The following SIAH3 variants were observed in gnomAD, a reference collection of about 807,000 sequenced individuals.
The protein encoded by SIAH3 is siah E3 ubiquitin protein ligase family member 3, also known as seven in absentia homolog 3.
In SIAH3, 9 loss-of-function variants were observed where a neutral mutation model predicts 12.6. That is an observed-to-expected ratio of 0.72 (90% CI 0.43 to 1.25). SIAH3 has a LOEUF of 1.25. Among genes scored for constraint, SIAH3 ranks in the 50% most tolerant of loss-of-function variants. The probability of loss-of-function intolerance (pLI) is 0.00; values close to 1 mark genes in which losing one functional copy is unlikely to be tolerated. For missense variants in SIAH3, 390 were observed against 365.4 expected, an observed-to-expected ratio of 1.07 and a Z score of -0.55; for synonymous variants, 154 against 151.1, an observed-to-expected ratio of 1.02 and a Z score of -0.14.
chr13:45,838,621 C>CA, intron 1 of SIAH3, among the ~76,000 whole-genome samples: 1 of 152,122 alleles, frequency 6.6e-6, no homozygotes, highest in Non-Finnish European at 1.5e-5. Context: ...GTGATGATGG[C>CA]ATATCACTCA....
chr13:45,810,518 C>G (rs1055022274), intron 1 of SIAH3, among the ~76,000 whole-genome samples: 26 of 152,124 alleles, frequency 1.7e-4, no homozygotes, highest in African/African-American at 5.1e-4. Context: ...GAAAATCACC[C>G]TCTGGAAATA....
chr13:45,830,815 G>T (rs1308714932), intron 1 of SIAH3, among the ~76,000 whole-genome samples: 2 of 119,350 alleles, frequency 1.7e-5, no homozygotes, highest in African/African-American at 3.5e-5. Context: ...GGTCCTAGAA[G>T]GTGAGAAAGT....
intron 1 of SIAH3, among the ~76,000 whole-genome samples, chr13:45,786,828 G>A (rs2137548836): frequency 6.6e-6 from 1 of 152,268 alleles, no homozygotes; most frequent in Admixed American, 6.5e-5. Flanking sequence ...TTGGCCTGGG[G>A]CCACCAGTCC....
rs1482627577 is a variant in SIAH3 at position 45,781,621 on chromosome 13, C to G, written c.*1762G>C. 2 of 152,234 alleles carry G rather than the reference C, an allele frequency of 1.3e-5. No homozygotes were observed. 9.4% of individuals were successfully genotyped at this position (152,234 alleles called of 1,614,324 possible). On this transcript the variant is annotated 3_prime_UTR_variant, in exon 2 of 2. Transcript: ENST00000400405. ...TCAGGGCTCTGACGGAATGCAGTCT[C>G]AGCCCCAGGGGCCCAGCGATTACTG...
intron 1 of SIAH3, among the ~76,000 whole-genome samples, chr13:45,827,494 A>G (rs1177168494): frequency 6.6e-6 from 1 of 152,188 alleles, no homozygotes; most frequent in African/African-American, 2.4e-5. Flanking sequence ...TCTAACTAAT[A>G]TGGAACTCTA....
intron 1 of SIAH3, among the ~76,000 whole-genome samples, chr13:45,830,841 G>T (rs559813742): frequency 5.3e-5 from 8 of 150,314 alleles, no homozygotes; most frequent in Non-Finnish European, 1.0e-4. Context: ...CCAAAAAAAG[G>T]CAGAGGAAGG....
intron 1 of SIAH3, among the ~76,000 whole-genome samples, chr13:45,845,650 T>C (rs1217407597): frequency 2.0e-5 from 3 of 152,240 alleles, no homozygotes; most frequent in Non-Finnish European, 4.4e-5. Flanking sequence ...TTAAGTGGCC[T>C]GTAAAACACT....
intron 1 of SIAH3, among the ~76,000 whole-genome samples, chr13:45,833,794 G>C (rs1157839419): frequency 6.6e-6 from 1 of 152,220 alleles, no homozygotes; most frequent in South Asian, 2.1e-4. Context: ...TCCATGCCCA[G>C]AGCTGGCTCC....
At chr13:45,789,023 G>C (rs192545452) in intron 1 of SIAH3, among the ~76,000 whole-genome samples, 18 of 152,270 alleles carry the variant, frequency 1.2e-4, no homozygotes, top group Admixed American at 1.2e-3. Context: ...GTCTAGGTCT[G>C]AGCCAAGTTG....
chr13:45,789,770 A>C (rs1308378528), intron 1 of SIAH3, among the ~76,000 whole-genome samples: 1 of 152,178 alleles, frequency 6.6e-6, no homozygotes, highest in Non-Finnish European at 1.5e-5. Flanking sequence ...GAATTCAAAC[A>C]TCAAGGTAAT....
intron 1 of SIAH3, among the ~76,000 whole-genome samples, chr13:45,815,120 T>C (rs1451098510): frequency 1.3e-5 from 2 of 151,498 alleles, no homozygotes; most frequent in African/African-American, 4.9e-5. Flanking sequence ...TTCAAACAAT[T>C]CCAGCTCTTG....
chr13:45,801,731 G>A (rs1183131066), intron 1 of SIAH3, among the ~76,000 whole-genome samples: 1 of 152,146 alleles, frequency 6.6e-6, no homozygotes, highest in Non-Finnish European at 1.5e-5. Flanking sequence ...ATTTTACAAA[G>A]TGTTTTCATA....
chr13:45,825,982 T>C (rs945710553), intron 1 of SIAH3, among the ~76,000 whole-genome samples: 2 of 152,172 alleles, frequency 1.3e-5, no homozygotes, highest in Non-Finnish European at 2.9e-5. Context: ...ACCCCAGCCC[T>C]GTGTCTTTGT....
chr13:45,825,061 T>A (rs1950669248), intron 1 of SIAH3, among the ~76,000 whole-genome samples: 1 of 152,088 alleles, frequency 6.6e-6, no homozygotes, highest in African/African-American at 2.4e-5. Context: ...TTAATACATA[T>A]TTATCGATTT....
In SIAH3 at chr13:45,781,702, G is replaced by T. The variant is rs936127051; in HGVS notation, c.*1681C>A. 8 of 152,226 alleles carry T rather than the reference G, an allele frequency of 5.3e-5. No homozygotes were observed. The highest frequency in any genetic ancestry group is 1.0e-4 in the Non-Finnish European group (7 of 68,062). The allele number at this position is 152,226 out of a possible 1,614,324, so 9.4% of individuals were successfully genotyped here. ...TTGTATCGACTGGCACCTCCCTTCT[G>T]GTGCGTGGGGGTGTAAGTTGGCACC... is the stretch of plus-strand genomic sequence containing the variant. On this transcript the variant is annotated 3_prime_UTR_variant, in exon 2 of 2. Transcript: ENST00000400405.
Position 45,779,560 on chromosome 13 carries a change from G to A in SIAH3, c.*3823C>T, listed in dbSNP as rs1950496172. 1 of 152,154 alleles carries A rather than the reference G, an allele frequency of 6.6e-6. No homozygotes were observed. Among genetic ancestry groups the A allele is most frequent in the Admixed American group, 6.6e-5 (1 of 15,262 alleles). 9.4% of individuals were successfully genotyped at this position (152,154 alleles called of 1,614,324 possible). A position where few individuals can be genotyped will look rare whatever the true frequency, so the allele number is the denominator to read the frequency against. On this transcript the variant is annotated 3_prime_UTR_variant, in exon 2 of 2. Coordinates refer to ENST00000400405, the MANE Select transcript of SIAH3 (RefSeq NM_198849.3). ...GTTGGTCAGAAGCCATACGTACCCG[G>A]TCCCAGGCCCAGCTCTGCCATTTGC...
intron 1 of SIAH3, among the ~76,000 whole-genome samples, chr13:45,834,810 C>T (rs182208364): frequency 3.0e-4 from 46 of 152,332 alleles, no homozygotes; most frequent in Non-Finnish European, 4.0e-4. Context: ...CCACTTGCTG[C>T]TGTGTGGCTT....
At chr13:45,813,127 T>C (rs13378499) in intron 1 of SIAH3, among the ~76,000 whole-genome samples, 9,602 of 151,746 alleles carry the variant, frequency 0.063, 1,049 homozygotes, top group African/African-American at 0.22. Context: ...GTCCCGGACC[T>C]GATGGGAACA....
At chr13:45,848,649 G>A (rs1406058990) in intron 1 of SIAH3, among the ~76,000 whole-genome samples, 2 of 152,302 alleles carry the variant, frequency 1.3e-5, no homozygotes, top group East Asian at 3.9e-4. Flanking sequence ...CTAAAATGCT[G>A]TTGGTTCGAA....
Sources: gnomAD v4.1 joint callset for allele counts (sites outside exome capture counted in the v4.1 genomes callset) on GRCh38, gnomAD v4.1.1 for gene constraint, MANE v1.5 for transcripts, NCBI Gene and HGNC (gene_info 2026-07-23, HGNC 2026-07-21) for gene names.